WDR49: variants seen among roughly 807,000 people sequenced by gnomAD.
WDR49 encodes the protein cilia- and flagella-associated protein 337.
In WDR49, 107 loss-of-function variants were observed where a neutral mutation model predicts 119.5. The observed-to-expected ratio is 0.90, with a 90% CI of 0.77 to 1.05. The LOEUF (loss-of-function observed/expected upper bound fraction) is 1.05. WDR49 is among the 50% of genes least tolerant of loss of function. The pLI is 0.00. For synonymous variants in WDR49, 425 were observed against 418.8 expected, an observed-to-expected ratio of 1.01 and a Z score of -0.18; for missense variants, 1,240 against 1,220.5, an observed-to-expected ratio of 1.02 and a Z score of -0.24.
At chr3:167,582,627 T>G (rs1046156574) in intron 7 of WDR49, among the ~76,000 whole-genome samples, 1 of 152,152 alleles carries the variant, frequency 6.6e-6, no homozygotes, top group Non-Finnish European at 1.5e-5. Context: ...CTAACAACTC[T>G]GAATTGTTGG....
intron 9 of WDR49, among the ~76,000 whole-genome samples, chr3:167,558,615 A>G (rs1197276163): frequency 6.6e-6 from 1 of 152,188 alleles, no homozygotes; most frequent in Non-Finnish European, 1.5e-5. Context: ...CTCTTCATCC[A>G]TGTCGCTATG....
chr3:167,603,113 T>G (rs1375720150), intron 6 of WDR49, among the ~76,000 whole-genome samples: 1 of 152,184 alleles, frequency 6.6e-6, no homozygotes, highest in Non-Finnish European at 1.5e-5. Flanking sequence ...ACCTGCTTTA[T>G]TATGGAATAA....
At chr3:167,654,360 T>C (rs1363286682), upstream of WDR49, among the ~76,000 whole-genome samples, 1 of 152,150 alleles carries the variant, frequency 6.6e-6, no homozygotes, top group African/African-American at 2.4e-5. Context: ...AGCTTCCAAC[T>C]TGTTGAAAAT....
In WDR49 at chr3:167,633,572, A is replaced by C. The variant is rs181849576; in HGVS notation, c.166-6280T>G. 9.2e-4 allele frequency: 405 copies of C among 439,670 alleles called. 5 individuals carry two copies. The East Asian group carries it at 0.012, about 13-fold the overall frequency. The allele number at this position is 439,670 out of a possible 1,614,324, so 27.2% of individuals were successfully genotyped here. A position where few individuals can be genotyped will look rare whatever the true frequency, so the allele number is the denominator to read the frequency against. On this transcript the variant is annotated intron_variant, in intron 2 of 18. Transcript: ENST00000682715. ...AAGTAATTCCACAGAAAGAAAGCAA[A>C]GATAACCTTTCAATCTAAAAAATGA...
intron 18 of WDR49, among the ~76,000 whole-genome samples, chr3:167,498,721 T>C (rs1751450850): frequency 6.6e-6 from 1 of 152,208 alleles, no homozygotes; most frequent in Non-Finnish European, 1.5e-5. Flanking sequence ...GTAATGACTT[T>C]TAATTTCTCC....
chr3:167,532,817 G>T, intron 12 of WDR49, 62 bp downstream of exon 12: 3 of 1,231,512 alleles, frequency 2.4e-6, no homozygotes, highest in Non-Finnish European at 2.3e-6. Flanking sequence ...GCACATGCAT[G>T]AACAACCAGG....
At chr3:167,594,673 C>T (rs1715318781) in intron 7 of WDR49, among the ~76,000 whole-genome samples, 1 of 152,136 alleles carries the variant, frequency 6.6e-6, no homozygotes, top group African/African-American at 2.4e-5. Context: ...AACAACCCTT[C>T]ATGCTAAAAA....
intron 7 of WDR49, among the ~76,000 whole-genome samples, chr3:167,578,000 T>C (rs907430190): frequency 6.6e-5 from 10 of 152,160 alleles, no homozygotes; most frequent in African/African-American, 2.4e-4. Flanking sequence ...ATCTACAAGA[T>C]AGGAATCCCT....
rs1014304538 is a variant in WDR49, at chr3:167,563,367, A to C, written c.1510-3139T>G. 6.0e-5 allele frequency among the ~76,000 whole-genome samples: 9 copies of C among 150,358 alleles called. No homozygotes were observed. The Admixed American group carries it at 6.1e-4, about 10-fold the overall frequency. ...AGATTCTGAATCAAAAAAAAAAAAA[A>C]AAAAAAAAAAGAAAGAAACCTGATT... On this transcript the variant is annotated intron_variant, in intron 8 of 18. Transcript: ENST00000682715.
At chr3:167,572,503 G>A (rs1187201401) in intron 8 of WDR49, among the ~76,000 whole-genome samples, 1 of 152,180 alleles carries the variant, frequency 6.6e-6, no homozygotes, top group Non-Finnish European at 1.5e-5. Flanking sequence ...AAGACACCAA[G>A]CCAAATAACC....
rs150392138 is a variant in WDR49, at chr3:167,531,383, C to T, written c.2054-104G>A. The T allele has an allele frequency of 3.7e-5, 47 of 1,268,758 alleles. 1 individual carries two copies. In the African/African-American group the frequency reaches 5.4e-4, roughly 15 times the overall value. The allele number at this position is 1,268,758 out of a possible 1,614,324, so 78.6% of individuals were successfully genotyped here. A position where few individuals can be genotyped will look rare whatever the true frequency, so the allele number is the denominator to read the frequency against. Reference sequence around the variant, plus strand: ...CCACATCTATCACTATATCCATTGACTCCAAGTCTCACAAGAGACTTCCAG... The same window carrying T: ...CCACATCTATCACTATATCCATTGATTCCAAGTCTCACAAGAGACTTCCAG... On this transcript the variant is annotated intron_variant, in intron 12 of 18. Coordinates refer to ENST00000682715, the MANE Select transcript of WDR49 (RefSeq NM_001366157.1).
At position 167,500,295 on chromosome 3, in the gene WDR49, T is replaced by G. The variant is rs890389110; in HGVS notation, c.2889A>C (p.Thr963=). 3 of 1,605,434 alleles carry G rather than the reference T, an allele frequency of 1.9e-6. No homozygotes were observed. Among genetic ancestry groups the G allele is most frequent in the South Asian group, 1.1e-5 (1 of 89,250 alleles). The change falls in exon 18 of 19, where the codon ACA becomes ACC. Residue 963 remains threonine (T), a synonymous_variant. Transcript: ENST00000682715. ...GGGCTCCAATGTTTAATGACCTAAA[T>G]GTACCTTCACAACAGCAGGTTTTAG... ...YGEVIKKSFS[T]FRSLNIGALE... is the part of the protein sequence containing the mutation.
chr3:167,607,923 G>A lies in WDR49; in HGVS notation c.959-3455C>T, dbSNP rs75511479. On this transcript the variant is annotated intron_variant, in intron 5 of 18. Transcript: ENST00000682715. ...AGGAAGAAAGGGTAAAAGGGAGGGA[G>A]GGAGGAAAAAAGGGACGGAGGGAGG... Among the ~76,000 whole-genome samples, 476 of 152,018 alleles carry A rather than the reference G, an allele frequency of 3.1e-3. 2 individuals carry two copies. The highest frequency in any genetic ancestry group is 0.011 in the African/African-American group (447 of 41,490).
At chr3:167,646,783 C>T (rs1285262886) in intron 2 of WDR49, among the ~76,000 whole-genome samples, 3 of 152,098 alleles carry the variant, frequency 2.0e-5, no homozygotes, top group Non-Finnish European at 4.4e-5. Flanking sequence ...AGTAGAGGAA[C>T]ATAATGTCTC....
At chr3:167,621,877 C>T (rs1026664916) in intron 3 of WDR49, among the ~76,000 whole-genome samples, 2 of 152,106 alleles carry the variant, frequency 1.3e-5, no homozygotes, top group African/African-American at 4.8e-5. Flanking sequence ...TTTCCTATCC[C>T]TATTCCACAC....
chr3:167,531,717 T>C (rs570412156), intron 12 of WDR49, among the ~76,000 whole-genome samples: 29 of 152,270 alleles, frequency 1.9e-4, no homozygotes, highest in Admixed American at 7.2e-4. Flanking sequence ...ATACTATTTG[T>C]TAGCGAGTTA....
intron 12 of WDR49, among the ~76,000 whole-genome samples, chr3:167,532,111 G>T (rs1307846492): frequency 2.0e-5 from 3 of 152,100 alleles, no homozygotes; most frequent in African/African-American, 7.2e-5. Flanking sequence ...TCTTAAGTTT[G>T]TTTTCCTACT....
At chr3:167,605,084 T>A (rs1015787786) in intron 5 of WDR49, among the ~76,000 whole-genome samples, 1 of 145,648 alleles carries the variant, frequency 6.9e-6, no homozygotes, top group African/African-American at 2.7e-5. Flanking sequence ...CACATATATT[T>A]GTAATATGTG....
At chr3:167,565,135 C>A (rs1434367506) in intron 8 of WDR49, among the ~76,000 whole-genome samples, 1 of 152,032 alleles carries the variant, frequency 6.6e-6, no homozygotes, top group Non-Finnish European at 1.5e-5. Flanking sequence ...AGTACAAGTA[C>A]AAATTATTCA....
Sources: gnomAD v4.1 joint callset for allele counts (sites outside exome capture counted in the v4.1 genomes callset) on GRCh38, gnomAD v4.1.1 for gene constraint, MANE v1.5 for transcripts, NCBI Gene and HGNC (gene_info 2026-07-23, HGNC 2026-07-21) for gene names.